Variants in ZNF696 observed in about 807,000 individuals in gnomAD.
ZNF696 encodes the protein zinc finger protein 696.
A neutral mutation model predicts 12.3 loss-of-function variants in ZNF696; 10 were observed. The observed-to-expected ratio is 0.81, with a 90% confidence interval of 0.50 to 1.38. The LOEUF (loss-of-function observed/expected upper bound fraction) is 1.38, where lower values mean the gene tolerates loss of function less well. ZNF696 is among the 40% of genes most tolerant of loss of function. The probability of loss-of-function intolerance (pLI) is 0.00; values close to 1 mark genes in which losing one functional copy is unlikely to be tolerated. For missense variants in ZNF696, 675 were observed against 554.7 expected, an observed-to-expected ratio of 1.22 and a Z score of -2.18; for synonymous variants, 304 against 243.9, an observed-to-expected ratio of 1.25 and a Z score of -2.29.
At position 143,296,961 on chromosome 8, in the gene ZNF696, T is replaced by G; in HGVS notation, c.*161T>G. On this transcript the variant is annotated 3_prime_UTR_variant, in exon 3 of 3. Coordinates refer to ENST00000330143, the MANE Select transcript of ZNF696 (RefSeq NM_030895.3). ...CGCCAGGCCTGCATCCGCCTTGGCT[T>G]GGGAGCAATCAGGAGAGACAGGGCT... The G allele has an allele frequency of 1.5e-6, 1 of 675,480 alleles. No homozygotes were observed. Among genetic ancestry groups the G allele is most frequent in the Non-Finnish European group, 2.2e-6 (1 of 453,008 alleles). The allele number at this position is 675,480 out of a possible 1,614,324, so 41.8% of individuals were successfully genotyped here.
At position 143,298,614 on chromosome 8, in the gene ZNF696, CAAAG is replaced by C. The variant is rs1337468980; in HGVS notation, c.*1818_*1821del. 3.3e-5 allele frequency among the ~76,000 whole-genome samples: 5 copies of C among 152,162 alleles called. No homozygotes were observed. Among genetic ancestry groups the C allele is most frequent in the Non-Finnish European group, 7.3e-5 (5 of 68,040 alleles). ...AACAGCAGGCAGCCGCTGTCAGCCA[CAAAG>C]AAACGCAGATCCTGAAACTGTCATC... On this transcript the variant is annotated 3_prime_UTR_variant, in exon 3 of 3. Coordinates refer to ENST00000330143, the MANE Select transcript of ZNF696 (RefSeq NM_030895.3).
chr8:143,294,261 C>G (rs1375006245), intron 2 of ZNF696, among the ~76,000 whole-genome samples: 3 of 152,250 alleles, frequency 2.0e-5, no homozygotes, highest in African/African-American at 7.2e-5. Context: ...AGTGGCTTGA[C>G]TGCCAGACAA....
intron 1 of ZNF696, chr8:143,292,279 C>T (rs767624561): frequency 6.6e-6 from 1 of 152,268 alleles, no homozygotes; most frequent in South Asian, 2.1e-4. Context: ...CTTAATTGCA[C>T]TTGAGGTGAG....
In ZNF696 at chr8:143,296,037, AG is replaced by A; in HGVS notation, c.366del (p.Arg123GlyfsTer238). 6.3e-7 allele frequency: 1 copy of A among 1,594,412 alleles called. No individual in the cohort carries two copies. Among genetic ancestry groups the A allele is most frequent in the South Asian group, 1.1e-5 (1 of 89,028 alleles). On this transcript the variant is annotated frameshift_variant, in exon 3 of 3. Transcript: ENST00000330143. LOFTEE classifies it low-confidence loss of function (END_TRUNC). Reference sequence around the variant, plus strand: ...GGCGCAGAGGGCGGGGGCAGCTGGAAGGGGCGGCCTTTCCCGTGCGGCGCCT... The same window carrying A: ...GGCGCAGAGGGCGGGGGCAGCTGGAAGGGCGGCCTTTCCCGTGCGGCGCCT... ...GPGAEGGGSW[K>X]GRPFPCGACG...
In ZNF696 at chr8:143,296,966, G is replaced by A; in HGVS notation, c.*166G>A. ...GGCCTGCATCCGCCTTGGCTTGGGA[G>A]CAATCAGGAGAGACAGGGCTCGGGG... On this transcript the variant is annotated 3_prime_UTR_variant, in exon 3 of 3. Transcript: ENST00000330143. 1.6e-6 allele frequency: 1 copy of A among 635,216 alleles called. No individual in the cohort carries two copies. Among genetic ancestry groups the A allele is most frequent in the East Asian group, 3.6e-5 (1 of 27,872 alleles). 39.3% of individuals were successfully genotyped at this position (635,216 alleles called of 1,614,324 possible).
chr8:143,296,003 G>A lies in ZNF696; in HGVS notation c.328G>A (p.Ala110Thr), dbSNP rs1231396902. 6.3e-7 allele frequency: 1 copy of A among 1,594,100 alleles called. No individual in the cohort carries two copies. Among genetic ancestry groups the A allele is most frequent in the Non-Finnish European group, 8.5e-7 (1 of 1,169,886 alleles). The change falls in exon 3 of 3, where the codon GCA becomes ACA. Residue 110 changes from alanine to threonine, a missense_variant. Physicochemically the swap from Ala to Thr is moderately conservative, Grantham distance 58. Transcript: ENST00000330143. ...CCTCGAGTCAGACGTCCCTCCGAAC[G>A]CAGGCCCCGGCGCAGAGGGCGGGGG... The part of the protein sequence containing the change: ...SGLESDVPPN[A>T]GPGAEGGGSW...
chr8:143,293,988 A>C (rs1815666991), intron 2 of ZNF696, among the ~76,000 whole-genome samples: 1 of 151,820 alleles, frequency 6.6e-6, no homozygotes, highest in South Asian at 2.1e-4. Flanking sequence ...CATTCTTGAG[A>C]GGTGCAGCTG....
rs1444640423 is a variant in ZNF696 at position 143,296,661 on chromosome 8, C to T, written c.986C>T (p.Ala329Val). 4 of 1,574,608 alleles carry T rather than the reference C, an allele frequency of 2.5e-6. No individual in the cohort carries two copies. In the Admixed American group the frequency reaches 5.3e-5, roughly 21 times the overall value. ...CACCAGTGCGGCCACTGCGGGCGCG[C>T]GTTCCGGGCGCTGTCGGGCTTCTTC... ...KPHQCGHCGR[A>V]FRALSGFFRH... Residue 329 changes from alanine to valine, a missense_variant, in exon 3 of 3, where the codon GCG (alanine) becomes GTG (valine). Ala to Val is a moderately conservative substitution (Grantham distance 64). Coordinates refer to ENST00000330143, the MANE Select transcript of ZNF696 (RefSeq NM_030895.3).
chr8:143,294,685 C>G (rs981740037), intron 2 of ZNF696, among the ~76,000 whole-genome samples: 6 of 151,486 alleles, frequency 4.0e-5, no homozygotes, highest in African/African-American at 1.5e-4. Context: ...GGATTTCTGT[C>G]TGAGTGAGGA....
At chr8:143,295,633 A>T in intron 2 of ZNF696, 107 bp from the exon 3 acceptor site, 1 of 1,261,328 alleles carries the variant, frequency 7.9e-7, no homozygotes, top group Non-Finnish European at 1.1e-6. Flanking sequence ...TCTGTGGCAC[A>T]CTGACGTCAC....
At chr8:143,295,531 G>C (rs980195969) in intron 2 of ZNF696, 1 of 702,614 alleles carries the variant, frequency 1.4e-6, no homozygotes, top group Non-Finnish European at 2.5e-6. Context: ...CAGGATTCTC[G>C]TCTACCTCAT....
chr8:143,296,912 C>A lies in ZNF696; in HGVS notation c.*112C>A. 9.2e-7 allele frequency: 1 copy of A among 1,089,830 alleles called. No homozygotes were observed. The highest frequency in any genetic ancestry group is 2.1e-5 in the South Asian group (1 of 46,570). The allele number at this position is 1,089,830 out of a possible 1,614,324, so 67.5% of individuals were successfully genotyped here. On this transcript the variant is annotated 3_prime_UTR_variant, in exon 3 of 3. Transcript: ENST00000330143. ...GAGGAAGTAACAGCCGGCTGCGCGCCTGGTTCTCGGGTTGCGAAAGCCTCG... is the reference window on the plus strand; with the variant it reads ...GAGGAAGTAACAGCCGGCTGCGCGCATGGTTCTCGGGTTGCGAAAGCCTCG...
chr8:143,296,424 C>G lies in ZNF696; in HGVS notation c.749C>G (p.Ser250Trp), dbSNP rs753942655. The change falls in exon 3 of 3, where the codon TCG becomes TGG. Residue 250 changes from serine to tryptophan, a missense_variant. Coordinates refer to ENST00000330143, the MANE Select transcript of ZNF696 (RefSeq NM_030895.3). ...GECGKRFLHSSNVVRHRRTHH... is the reference protein window; with the variant it reads ...GECGKRFLHSWNVVRHRRTHH... ...TGCGGGAAGCGCTTCCTGCACAGCT[C>G]GAACGTGGTCCGGCACCGGCGGACC... 8 of 1,604,542 alleles carry G rather than the reference C, an allele frequency of 5.0e-6. No homozygotes were observed. Among genetic ancestry groups the G allele is most frequent in the Non-Finnish European group, 6.8e-6 (8 of 1,177,720 alleles).
intron 1 of ZNF696, 50 bp from the exon 2 acceptor site, chr8:143,292,922 T>C: frequency 1.3e-6 from 2 of 1,531,332 alleles, no homozygotes; most frequent in Non-Finnish European, 1.8e-6. Context: ...CCCTGGCCCC[T>C]GTACCTAGCC....
In ZNF696 at chr8:143,291,695, A is replaced by G; in HGVS notation, c.-103A>G. ...TCTTCAGGCCTTTGTAAGTTGTCAAATTTCCCACCGGCCCAGCTCATCGAG... is the reference window on the plus strand; with the variant it reads ...TCTTCAGGCCTTTGTAAGTTGTCAAGTTTCCCACCGGCCCAGCTCATCGAG... On this transcript the variant is annotated 5_prime_UTR_variant, in exon 1 of 3. Transcript: ENST00000330143. The G allele has an allele frequency of 3.0e-6, 3 of 985,424 alleles. No individual in the cohort carries two copies. The highest frequency in any genetic ancestry group is 2.4e-6 in the Non-Finnish European group (2 of 829,942). 61.0% of individuals were successfully genotyped at this position (985,424 alleles called of 1,614,324 possible).
intron 2 of ZNF696, 110 bp downstream of exon 2, chr8:143,293,175 T>C (rs1255034997): frequency 5.4e-6 from 5 of 929,834 alleles, no homozygotes; most frequent in South Asian, 1.5e-5. Flanking sequence ...TACTGTGTCC[T>C]TGGGCGCAGG....
Position 143,296,383 on chromosome 8 carries a change from G to A in ZNF696, c.708G>A (p.Leu236=). The A allele has an allele frequency of 1.3e-6, 2 of 1,583,312 alleles. No individual in the cohort carries two copies. Among genetic ancestry groups the A allele is most frequent in the Non-Finnish European group, 1.7e-6 (2 of 1,169,670 alleles). Residue 236 remains leucine (L), a synonymous_variant, in exon 3 of 3, where the codon CTG becomes CTA. Coordinates refer to ENST00000330143, the MANE Select transcript of ZNF696 (RefSeq NM_030895.3). ...KHRRTHTGER[L]YACGECGKRF... The stretch of plus-strand genomic sequence containing the variant: ...GCCGCACCCACACCGGGGAGAGGCT[G>A]TACGCGTGCGGCGAGTGCGGGAAGC...
rs1470662334 is a variant in ZNF696 at position 143,296,364 on chromosome 8, C to G, written c.689C>G (p.Thr230Ser). ...QRSDAAKHRR[T>S]HTGERLYACG... The stretch of plus-strand genomic sequence containing the variant: ...TCGGACGCCGCCAAGCACCGCCGCA[C>G]CCACACCGGGGAGAGGCTGTACGCG... The change falls in exon 3 of 3, where the codon ACC (threonine) becomes AGC (serine). Residue 230 changes from threonine to serine, a missense_variant. Physicochemically the swap from Thr to Ser is moderately conservative, Grantham distance 58. Coordinates refer to ENST00000330143, the MANE Select transcript of ZNF696 (RefSeq NM_030895.3). The G allele has an allele frequency of 6.3e-7, 1 of 1,589,828 alleles. No homozygotes were observed.
Position 143,296,089 on chromosome 8 carries a change from G to C in ZNF696, c.414G>C (p.Ser138=). 6 of 1,603,396 alleles carry C rather than the reference G, an allele frequency of 3.7e-6. No individual in the cohort carries two copies. Among genetic ancestry groups the C allele is most frequent in the Non-Finnish European group, 5.1e-6 (6 of 1,174,826 alleles). The part of the protein sequence containing the change: ...GACGRSFKCS[S]DAAKHRSIHS... ...GTGGCCGCAGCTTCAAGTGCTCCTC[G>C]GACGCGGCAAAGCACCGGAGCATCC... The change falls in exon 3 of 3, where the codon TCG becomes TCC. Residue 138 remains serine (S), a synonymous_variant. Transcript: ENST00000330143.
Sources: gnomAD v4.1 joint callset for allele counts (sites outside exome capture counted in the v4.1 genomes callset) on GRCh38, gnomAD v4.1.1 for gene constraint, MANE v1.5 for transcripts, NCBI Gene and HGNC (gene_info 2026-07-23, HGNC 2026-07-21) for gene names.